The following LRBA variants were observed in gnomAD, a reference collection of about 807,000 sequenced individuals.
LRBA encodes the protein lipopolysaccharide-responsive and beige-like anchor protein.
A neutral mutation model predicts 330.0 loss-of-function variants in LRBA; 176 were observed. That is an observed-to-expected ratio of 0.53 (90% CI 0.47 to 0.60). The LOEUF is 0.60. Ranked by LOEUF, LRBA falls within the 20% of genes least tolerant of loss-of-function variation. LRBA has a pLI of 0.00. For synonymous variants in LRBA, 1,230 were observed against 1,193.0 expected, an observed-to-expected ratio of 1.03 and a Z score of -0.64; for missense variants, 3,259 against 3,444.8, an observed-to-expected ratio of 0.95 and a Z score of 1.35.
chr4:150,410,958 T>A (rs1430601879), intron 47 of LRBA, among the ~76,000 whole-genome samples: 1 of 152,150 alleles, frequency 6.6e-6, no homozygotes, highest in Non-Finnish European at 1.5e-5. Context: ...TGATGGGCAT[T>A]CCGAACTCAT....
chr4:150,355,445 T>C (rs767552508), intron 47 of LRBA, among the ~76,000 whole-genome samples: 7 of 151,978 alleles, frequency 4.6e-5, no homozygotes, highest in Non-Finnish European at 1.0e-4. Context: ...AAAAAGAAAC[T>C]AAATAAAAAC....
intron 2 of LRBA, among the ~76,000 whole-genome samples, chr4:150,992,188 C>T (rs2952817): frequency 0.11 from 17,295 of 151,846 alleles, 1,400 homozygotes; most frequent in South Asian, 0.29. Context: ...CAGTAGCGTG[C>T]GCCTGTAGGC....
intron 34 of LRBA, among the ~76,000 whole-genome samples, chr4:150,793,957 A>G (rs553590789): frequency 3.9e-5 from 6 of 152,246 alleles, no homozygotes; most frequent in Admixed American, 6.5e-5. Context: ...ACCAATTAGC[A>G]TATTTATACT....
At position 150,449,011 on chromosome 4, in the gene LRBA, G is replaced by A. The variant is rs560063826; in HGVS notation, c.6781-12147C>T. Among the ~76,000 whole-genome samples, 10 of 152,148 alleles carry A rather than the reference G, an allele frequency of 6.6e-5. No individual in the cohort carries two copies. In the East Asian group the frequency reaches 1.2e-3, roughly 18 times the overall value. On this transcript the variant is annotated intron_variant, in intron 44 of 56. Transcript: ENST00000651943. ...CTGAGGCAAGGTAGAAGACCAGGGG[G>A]TAGCTCTCTAAGTAACACAGGCACA...
chr4:150,624,824 T>G (rs898742464), intron 37 of LRBA, among the ~76,000 whole-genome samples: 1 of 152,160 alleles, frequency 6.6e-6, no homozygotes, highest in Non-Finnish European at 1.5e-5. Flanking sequence ...TGTACAACTT[T>G]TGTCAATTAA....
intron 13 of LRBA, among the ~76,000 whole-genome samples, chr4:150,903,096 T>C (rs1579150016): frequency 6.6e-6 from 1 of 152,178 alleles, no homozygotes; most frequent in Admixed American, 6.5e-5. Flanking sequence ...TAGGAAAATA[T>C]TGGCGTTGGG....
At chr4:150,545,973 AAATTACAG>A in intron 40 of LRBA, among the ~76,000 whole-genome samples, 1 of 152,230 alleles carries the variant, frequency 6.6e-6, no homozygotes, top group South Asian at 2.1e-4. Flanking sequence ...CATGATTCTA[AAATTACAG>A]GTATAGTCAC....
At chr4:150,871,487 G>C in intron 18 of LRBA, 34 bp from the exon 19 acceptor site, 1 of 1,289,440 alleles carries the variant, frequency 7.8e-7, no homozygotes, top group Non-Finnish European at 1.1e-6. Context: ...ATCAAATGTA[G>C]AGCTTTTCTG....
At chr4:150,605,889 A>G (rs1170874592) in intron 37 of LRBA, among the ~76,000 whole-genome samples, 1 of 152,204 alleles carries the variant, frequency 6.6e-6, no homozygotes, top group Non-Finnish European at 1.5e-5. Flanking sequence ...AAGGACAAAC[A>G]AAAACAAAAA....
rs746758121 is a variant in LRBA at position 150,588,010 on chromosome 4, C to T, written c.6330+38G>A. The T allele has an allele frequency of 1.1e-5, 18 of 1,596,420 alleles. 1 individual carries two copies. The African/African-American group carries it at 1.6e-4, about 14-fold the overall frequency. ...ATCCTATCCAACAGCACCCACCATCCCATCATAAGAAAAAATGAAACCCCT... is the reference window on the plus strand; with the variant it reads ...ATCCTATCCAACAGCACCCACCATCTCATCATAAGAAAAAATGAAACCCCT... On this transcript the variant is annotated intron_variant, in intron 40 of 56. Transcript: ENST00000651943.
chr4:150,780,913 T>A (rs1738135896), intron 34 of LRBA, among the ~76,000 whole-genome samples: 1 of 152,082 alleles, frequency 6.6e-6, no homozygotes, highest in Admixed American at 6.6e-5. Flanking sequence ...GGAGTCTCGC[T>A]CTGTCACCCA....
chr4:150,570,275 G>T (rs1769673865), intron 40 of LRBA, among the ~76,000 whole-genome samples: 1 of 152,056 alleles, frequency 6.6e-6, no homozygotes, highest in Non-Finnish European at 1.5e-5. Context: ...TAAAAGGCCT[G>T]TCTCACTATT....
chr4:150,452,448 C>T (rs774987594), intron 44 of LRBA, among the ~76,000 whole-genome samples: 2 of 151,914 alleles, frequency 1.3e-5, no homozygotes, highest in African/African-American at 2.4e-5. Flanking sequence ...ATGGTGAAAC[C>T]CCATCTCTAC....
At chr4:150,819,209 A>G (rs1419040351) in intron 30 of LRBA, among the ~76,000 whole-genome samples, 1 of 151,454 alleles carries the variant, frequency 6.6e-6, no homozygotes, top group Admixed American at 6.6e-5. Context: ...TTTAACATGC[A>G]TGTCTAGAAC....
intron 40 of LRBA, among the ~76,000 whole-genome samples, chr4:150,538,707 T>C (rs899083739): frequency 1.0e-4 from 15 of 150,228 alleles, no homozygotes; most frequent in African/African-American, 3.7e-4. Flanking sequence ...TGTAATCCAA[T>C]CCCAACACTT....
chr4:150,666,665 G>A (rs950197733), intron 37 of LRBA, among the ~76,000 whole-genome samples: 1 of 152,080 alleles, frequency 6.6e-6, no homozygotes, highest in Non-Finnish European at 1.5e-5. Context: ...TTTTATACAA[G>A]GAACTTGAGC....
At chr4:150,787,385 A>G (rs1739240360) in intron 34 of LRBA, among the ~76,000 whole-genome samples, 1 of 152,202 alleles carries the variant, frequency 6.6e-6, no homozygotes, top group South Asian at 2.1e-4. Context: ...TAAAAATGTA[A>G]TTTTTAACAC....
At chr4:150,437,752 A>G (rs766487056) in intron 44 of LRBA, among the ~76,000 whole-genome samples, 4 of 152,106 alleles carry the variant, frequency 2.6e-5, no homozygotes, top group Non-Finnish European at 5.9e-5. Context: ...CCAACAAACT[A>G]TGCCTGACAA....
At chr4:150,984,086 A>C (rs1468985003) in intron 2 of LRBA, among the ~76,000 whole-genome samples, 1 of 152,202 alleles carries the variant, frequency 6.6e-6, no homozygotes, top group Non-Finnish European at 1.5e-5. Flanking sequence ...ATCTTTCTGA[A>C]TAAGAAGATA....
Sources: gnomAD v4.1 joint callset for allele counts (sites outside exome capture counted in the v4.1 genomes callset) on GRCh38, gnomAD v4.1.1 for gene constraint, MANE v1.5 for transcripts, NCBI Gene and HGNC (gene_info 2026-07-23, HGNC 2026-07-21) for gene names.